GNA12: variants seen among roughly 807,000 people sequenced by gnomAD.
The protein encoded by GNA12 is G protein subunit alpha 12.
In GNA12, 9 loss-of-function variants were observed where a neutral mutation model predicts 26.0. The observed-to-expected ratio is 0.35, with a 90% CI of 0.21 to 0.60. The LOEUF (loss-of-function observed/expected upper bound fraction) is 0.60. Ranked by LOEUF, GNA12 falls within the 20% of genes least tolerant of loss-of-function variation. GNA12 has a pLI of 0.78. For synonymous variants in GNA12, 264 were observed against 219.6 expected (o/e 1.20, Z -1.79); for missense variants, 405 against 525.8 (o/e 0.77, Z 2.25).
intron 1 of GNA12, among the ~76,000 whole-genome samples, chr7:2,811,084 C>T (rs1039931460): frequency 1.3e-5 from 2 of 152,102 alleles, no homozygotes; most frequent in African/African-American, 4.8e-5. Flanking sequence ...GATTTCATCT[C>T]CCAGCAGCAA....
Position 2,730,985 on chromosome 7 carries a change from T to G in GNA12, c.*196A>C, listed in dbSNP as rs1012726968. On this transcript the variant is annotated 3_prime_UTR_variant, in exon 4 of 4. Coordinates refer to ENST00000275364, the MANE Select transcript of GNA12 (RefSeq NM_007353.3). ...AGTTTCACTCGCCCCCAGGATTCAG[T>G]AGCTAACGTGACAGTTTCCATGTCC... is the stretch of plus-strand genomic sequence containing the variant. 5 of 534,260 alleles carry G rather than the reference T, an allele frequency of 9.4e-6. No individual in the cohort carries two copies. The highest frequency in any genetic ancestry group is 7.5e-5 in the African/African-American group (4 of 53,202). 33.1% of individuals were successfully genotyped at this position (534,260 alleles called of 1,614,324 possible). A position where few individuals can be genotyped will look rare whatever the true frequency, so the allele number is the denominator to read the frequency against.
chr7:2,835,667 CT>C, intron 1 of GNA12: 1 of 995,074 alleles, frequency 1.0e-6, no homozygotes, highest in South Asian at 1.3e-5. Flanking sequence ...GTCAATGTTA[CT>C]TTCGAAGAGC....
At chr7:2,799,733 T>C (rs1792763292) in intron 1 of GNA12, among the ~76,000 whole-genome samples, 2 of 151,976 alleles carry the variant, frequency 1.3e-5, no homozygotes, top group African/African-American at 2.4e-5. Flanking sequence ...GGAGAACATA[T>C]ATAGGCAGCA....
At chr7:2,746,290 A>C (rs1790759780) in intron 2 of GNA12, among the ~76,000 whole-genome samples, 1 of 152,260 alleles carries the variant, frequency 6.6e-6, no homozygotes, top group African/African-American at 2.4e-5. Context: ...ACTCCTCAGC[A>C]AATGTAAAAG....
At position 2,728,471 on chromosome 7, in the gene GNA12, T is replaced by G. The variant is rs1375065340; in HGVS notation, c.*2710A>C. On this transcript the variant is annotated 3_prime_UTR_variant, in exon 4 of 4. Transcript: ENST00000275364. ...ATGACTCAAAATCCTTGAAACAATT[T>G]CTCTACGAACATAAGAGTTAAAAAT... 1 of 152,356 alleles carries G rather than the reference T, an allele frequency of 6.6e-6. No individual in the cohort carries two copies. Among genetic ancestry groups the G allele is most frequent in the African/African-American group, 2.4e-5 (1 of 41,448 alleles). 9.4% of individuals were successfully genotyped at this position (152,356 alleles called of 1,614,324 possible).
At position 2,779,710 on chromosome 7, in the gene GNA12, T is replaced by C. The variant is rs138285647; in HGVS notation, c.525+15218A>G. Among the ~76,000 whole-genome samples, 272 of 152,162 alleles carry C rather than the reference T, an allele frequency of 1.8e-3. 3 individuals are homozygous for C. Among genetic ancestry groups the C allele is most frequent in the African/African-American group, 6.1e-3 (253 of 41,510 alleles). On this transcript the variant is annotated intron_variant, in intron 2 of 3. Transcript: ENST00000275364. ...GCCTCCGGGGTTCAAGTGATTCTCA[T>C]GCTGCAGCCTCCTGAGTGGCTGGAT...
chr7:2,754,018 C>A (rs892456556), intron 2 of GNA12, among the ~76,000 whole-genome samples: 9 of 152,198 alleles, frequency 5.9e-5, no homozygotes, highest in African/African-American at 2.2e-4. Flanking sequence ...TACATCTAAA[C>A]CCTTAAGTTC....
At chr7:2,810,043 G>C (rs1443969354) in intron 1 of GNA12, among the ~76,000 whole-genome samples, 1 of 152,184 alleles carries the variant, frequency 6.6e-6, no homozygotes, top group Non-Finnish European at 1.5e-5. Flanking sequence ...ATTAGAAAGG[G>C]GTCAACCCCA....
At chr7:2,760,170 G>A (rs752342918) in intron 2 of GNA12, among the ~76,000 whole-genome samples, 9 of 152,208 alleles carry the variant, frequency 5.9e-5, no homozygotes, top group Non-Finnish European at 1.2e-4. Flanking sequence ...CCCATCGCCC[G>A]CCTCTGCCTG....
chr7:2,815,191 C>A (rs578152034), intron 1 of GNA12: 18 of 443,468 alleles, frequency 4.1e-5, no homozygotes, highest in African/African-American at 3.2e-4. Flanking sequence ...GCCTGCGGTC[C>A]GGCACTGTGA....
rs1486538781 is a variant in GNA12 at position 2,728,615 on chromosome 7, C to T, written c.*2566G>A. 2 of 152,558 alleles carry T rather than the reference C, an allele frequency of 1.3e-5. No individual in the cohort carries two copies. Among genetic ancestry groups the T allele is most frequent in the African/African-American group, 4.8e-5 (2 of 41,436 alleles). The allele number at this position is 152,558 out of a possible 1,614,324, so 9.5% of individuals were successfully genotyped here. On this transcript the variant is annotated 3_prime_UTR_variant, in exon 4 of 4. Coordinates refer to ENST00000275364, the MANE Select transcript of GNA12 (RefSeq NM_007353.3). ...GCAATAATTGAGGCACAACTACCTCCTGCTTTTCCAACATCTTAATAAAAA... is the reference window on the plus strand; with the variant it reads ...GCAATAATTGAGGCACAACTACCTCTTGCTTTTCCAACATCTTAATAAAAA...
chr7:2,803,349 AAGG>A (rs1394033726), intron 1 of GNA12, among the ~76,000 whole-genome samples: 1 of 152,202 alleles, frequency 6.6e-6, no homozygotes. Context: ...GGCTTTGGAA[AAGG>A]AGAATGGCAA....
Position 2,839,771 on chromosome 7 carries a change from C to T in GNA12, c.309+4082G>A, listed in dbSNP as rs572297326. Among the ~76,000 whole-genome samples the T allele has an allele frequency of 1.2e-3, 176 of 152,210 alleles. 1 individual carries two copies. Among genetic ancestry groups the T allele is most frequent in the African/African-American group, 3.5e-3 (146 of 41,540 alleles). ...CATCTGGCACTTTGGGAGGCCGAGGCGGGTGGATCACGAGGTCAGGAGTTG... is the reference window on the plus strand; with the variant it reads ...CATCTGGCACTTTGGGAGGCCGAGGTGGGTGGATCACGAGGTCAGGAGTTG... On this transcript the variant is annotated intron_variant, in intron 1 of 3. Coordinates refer to ENST00000275364, the MANE Select transcript of GNA12 (RefSeq NM_007353.3).
intron 1 of GNA12, among the ~76,000 whole-genome samples, chr7:2,832,938 A>C (rs1778718247): frequency 6.6e-6 from 1 of 152,200 alleles, no homozygotes. Context: ...AACAGAATCA[A>C]CCAGAAGCAT....
chr7:2,793,775 C>T lies in GNA12; in HGVS notation c.525+1153G>A, dbSNP rs544582573. Among the ~76,000 whole-genome samples, 213 of 150,200 alleles carry T rather than the reference C, an allele frequency of 1.4e-3. 2 individuals are homozygous for T. The highest frequency in any genetic ancestry group is 4.7e-3 in the African/African-American group (190 of 40,724). ...GTGGGTGCCTACAGTCTCTGCTACT[C>T]GGGAGGCTGAGGTGGGAGAATCACT... On this transcript the variant is annotated intron_variant, in intron 2 of 3. Transcript: ENST00000275364.
intron 2 of GNA12, among the ~76,000 whole-genome samples, chr7:2,735,437 C>G (rs997791913): frequency 6.7e-6 from 1 of 150,178 alleles, no homozygotes; most frequent in Admixed American, 6.7e-5. Context: ...CTTATCACCA[C>G]AGGACACAAA....
chr7:2,834,780 A>G (rs1342568627), intron 1 of GNA12, among the ~76,000 whole-genome samples: 2 of 152,170 alleles, frequency 1.3e-5, no homozygotes, highest in Non-Finnish European at 2.9e-5. Context: ...GGCCCACAGT[A>G]TTCAGTATAG....
chr7:2,776,639 G>C (rs761843171), intron 2 of GNA12, among the ~76,000 whole-genome samples: 1 of 152,200 alleles, frequency 6.6e-6, no homozygotes, highest in Non-Finnish European at 1.5e-5. Flanking sequence ...GGAGCAGGCT[G>C]GCATAAGGAT....
At chr7:2,793,679 T>C (rs1792577099) in intron 2 of GNA12, among the ~76,000 whole-genome samples, 2 of 152,004 alleles carry the variant, frequency 1.3e-5, no homozygotes, top group African/African-American at 4.8e-5. Context: ...GGCCAGGAGT[T>C]CGAGACCAGC....
Sources: allele counts gnomAD v4.1 joint callset (sites outside exome capture counted in the v4.1 genomes callset), GRCh38; gene constraint gnomAD v4.1.1; transcripts MANE v1.5; gene names NCBI Gene and HGNC (gene_info 2026-07-23, HGNC 2026-07-21).